CDH20: variants seen among roughly 807,000 people sequenced by gnomAD.
The protein encoded by CDH20 is cadherin 20.
A neutral mutation model predicts 74.2 loss-of-function variants in CDH20; 29 were observed. The observed-to-expected ratio is 0.39, with a 90% CI of 0.29 to 0.53. The LOEUF is 0.53. Ranked by LOEUF, CDH20 falls within the 20% of genes least tolerant of loss-of-function variation. The probability of loss-of-function intolerance (pLI) is 0.69; values close to 1 mark genes in which losing one functional copy is unlikely to be tolerated. For missense variants in CDH20, 988 were observed against 1,048.3 expected, an observed-to-expected ratio of 0.94 and a Z score of 0.79; for synonymous variants, 469 against 405.4, an observed-to-expected ratio of 1.16 and a Z score of -1.88.
intron 11 of CDH20, among the ~76,000 whole-genome samples, chr18:61,551,937 A>T (rs1913450719): frequency 6.6e-6 from 1 of 152,222 alleles, no homozygotes; most frequent in Non-Finnish European, 1.5e-5. Context: ...AATTTATCTT[A>T]TCCCTTCCCA....
intron 1 of CDH20, among the ~76,000 whole-genome samples, chr18:61,464,724 A>C (rs2144365491): frequency 6.6e-6 from 1 of 152,330 alleles, no homozygotes; most frequent in East Asian, 1.9e-4. Flanking sequence ...GACTGAAAGC[A>C]ACCACACCCA....
intron 1 of CDH20, among the ~76,000 whole-genome samples, chr18:61,451,441 A>C (rs1345133905): frequency 1.3e-5 from 2 of 152,116 alleles, no homozygotes; most frequent in African/African-American, 4.8e-5. Context: ...AATACCTGGC[A>C]GTGGTGTACT....
intron 7 of CDH20, among the ~76,000 whole-genome samples, chr18:61,528,667 G>T (rs911065042): frequency 3.3e-5 from 5 of 152,084 alleles, no homozygotes; most frequent in Non-Finnish European, 7.4e-5. Flanking sequence ...AATGTCCAGG[G>T]AAGTGGTGTA....
chr18:61,429,938 T>C (rs779517313), intron 1 of CDH20, among the ~76,000 whole-genome samples: 1 of 152,160 alleles, frequency 6.6e-6, no homozygotes, highest in Non-Finnish European at 1.5e-5. Context: ...ACACTTTGGC[T>C]CCTATATATT....
intron 1 of CDH20, among the ~76,000 whole-genome samples, chr18:61,396,990 T>C (rs1222869983): frequency 6.6e-6 from 1 of 152,176 alleles, no homozygotes; most frequent in East Asian, 1.9e-4. Context: ...CCGGGGACCA[T>C]GAACTATTTG....
In CDH20 at chr18:61,353,543, G is replaced by A. The variant is rs951778308; in HGVS notation, c.-153+19716G>A. Among the ~76,000 whole-genome samples, 10 of 152,098 alleles carry A rather than the reference G, an allele frequency of 6.6e-5. No homozygotes were observed. Among genetic ancestry groups the A allele is most frequent in the Non-Finnish European group, 1.0e-4 (7 of 68,014 alleles). On this transcript the variant is annotated intron_variant, in intron 1 of 11. Coordinates refer to ENST00000262717, the MANE Select transcript of CDH20 (RefSeq NM_031891.4). The surrounding 1 kb of genome is among the most constrained non-coding windows in gnomAD (Gnocchi z 4.6). Reference sequence around the variant, plus strand: ...TAATTGTATAGACACAGCTTTACTTGCTTTTGAATATCCGACAGTGTGTAT... The same window carrying A: ...TAATTGTATAGACACAGCTTTACTTACTTTTGAATATCCGACAGTGTGTAT...
At position 61,411,541 on chromosome 18, in the gene CDH20, C is replaced by CA. The variant is rs551372567; in HGVS notation, c.-153+77714_-153+77715insA. Among the ~76,000 whole-genome samples the CA allele has an allele frequency of 6.1e-5, 9 of 148,140 alleles. No homozygotes were observed. In the East Asian group the frequency reaches 1.6e-3, roughly 27 times the overall value. Reference sequence around the variant, plus strand: ...AATCAATGAGTGGATAAAGAAACTGCGATGTGATATGTATGTGTATATATG... The same window carrying CA: ...AATCAATGAGTGGATAAAGAAACTGCAGATGTGATATGTATGTGTATATATG... On this transcript the variant is annotated intron_variant, in intron 1 of 11. Coordinates refer to ENST00000262717, the MANE Select transcript of CDH20 (RefSeq NM_031891.4).
intron 1 of CDH20, among the ~76,000 whole-genome samples, chr18:61,417,535 A>G (rs1312320601): frequency 6.7e-6 from 1 of 150,338 alleles, no homozygotes; most frequent in Admixed American, 6.6e-5. Flanking sequence ...TAAGCCAGGC[A>G]CAAAAAGAAA....
At chr18:61,491,705 C>G (rs1910964804) in intron 2 of CDH20, among the ~76,000 whole-genome samples, 1 of 152,152 alleles carries the variant, frequency 6.6e-6, no homozygotes, top group African/African-American at 2.4e-5. Flanking sequence ...CACTTCTTAA[C>G]CCAGGTATCT....
chr18:61,493,818 T>C (rs1161136132), intron 2 of CDH20, among the ~76,000 whole-genome samples: 1 of 152,242 alleles, frequency 6.6e-6, no homozygotes, highest in Admixed American at 6.5e-5. Flanking sequence ...AGAGTATGTT[T>C]GTATTCAGCA....
At chr18:61,544,609 C>T (rs1271164413) in intron 9 of CDH20, among the ~76,000 whole-genome samples, 2 of 152,204 alleles carry the variant, frequency 1.3e-5, no homozygotes, top group Admixed American at 6.5e-5. Flanking sequence ...CCGGGCTGAA[C>T]TTCCCTTGGC....
intron 1 of CDH20, among the ~76,000 whole-genome samples, chr18:61,412,473 A>G (rs7235105): frequency 0.016 from 2,396 of 152,280 alleles, 56 homozygotes; most frequent in African/African-American, 0.055. Context: ...AAGCTGTATT[A>G]TATAAATACT....
At chr18:61,423,090 T>C (rs576581302) in intron 1 of CDH20, among the ~76,000 whole-genome samples, 2 of 152,338 alleles carry the variant, frequency 1.3e-5, no homozygotes, top group Non-Finnish European at 2.9e-5. Context: ...ATCAAGAATA[T>C]TCAATGGCTG....
intron 1 of CDH20, among the ~76,000 whole-genome samples, chr18:61,445,953 T>G (rs1282077672): frequency 1.3e-5 from 2 of 152,226 alleles, no homozygotes; most frequent in Non-Finnish European, 1.5e-5. Flanking sequence ...GGTCCCAGGC[T>G]TAAGTGTCCC....
chr18:61,535,578 C>A (rs530616414), intron 7 of CDH20, among the ~76,000 whole-genome samples: 34 of 152,230 alleles, frequency 2.2e-4, no homozygotes, highest in African/African-American at 6.0e-4. Context: ...AGATCCTACC[C>A]AGGAGCTAGT....
chr18:61,370,546 AAC>A (rs1297185345), intron 1 of CDH20, among the ~76,000 whole-genome samples: 1 of 152,126 alleles, frequency 6.6e-6, no homozygotes, highest in Non-Finnish European at 1.5e-5. Flanking sequence ...ATGTTTGGTA[AAC>A]ACATACATTG....
chr18:61,419,067 G>A (rs1912792558), intron 1 of CDH20, among the ~76,000 whole-genome samples: 1 of 152,002 alleles, frequency 6.6e-6, no homozygotes, highest in Admixed American at 6.6e-5. Flanking sequence ...TACGCCCTTA[G>A]GGTATCTTCT....
chr18:61,481,123 C>T (rs1028035139), intron 1 of CDH20, among the ~76,000 whole-genome samples: 1 of 152,032 alleles, frequency 6.6e-6, no homozygotes, highest in African/African-American at 2.4e-5. Context: ...AAGTACTGCC[C>T]ATAGATACAT....
At chr18:61,377,398 A>G (rs1273889460) in intron 1 of CDH20, among the ~76,000 whole-genome samples, 1 of 152,002 alleles carries the variant, frequency 6.6e-6, no homozygotes, top group Admixed American at 6.6e-5. Flanking sequence ...GAACTGAAAC[A>G]TTAGACCTGG....
Sources: allele counts gnomAD v4.1 joint callset (sites outside exome capture counted in the v4.1 genomes callset), GRCh38; gene constraint gnomAD v4.1.1; non-coding constraint Gnocchi (gnomAD v3.1); transcripts MANE v1.5; gene names NCBI Gene and HGNC (gene_info 2026-07-23, HGNC 2026-07-21).